The following MON2 variants were observed in gnomAD, a reference collection of about 807,000 sequenced individuals.
The protein encoded by MON2 is MON2 regulator of endosome-to-Golgi trafficking.
A neutral mutation model predicts 208.6 loss-of-function variants in MON2; 84 were observed. The observed-to-expected ratio is 0.40, with a 90% CI of 0.34 to 0.48. The LOEUF (loss-of-function observed/expected upper bound fraction) is 0.48. Among genes scored for constraint, MON2 ranks in the 20% least tolerant of loss-of-function variants. The pLI is 0.59. For missense variants in MON2, 1,611 were observed against 2,015.4 expected, an observed-to-expected ratio of 0.80 and a Z score of 3.84; for synonymous variants, 660 against 694.0, an observed-to-expected ratio of 0.95 and a Z score of 0.77.
At position 62,543,208 on chromosome 12, in the gene MON2, CTT is replaced by C; in HGVS notation, c.2466+12_2466+13del. The C allele has an allele frequency of 5.7e-6, 8 of 1,402,302 alleles. No individual in the cohort carries two copies. Among genetic ancestry groups the C allele is most frequent in the Non-Finnish European group, 7.7e-6 (8 of 1,034,300 alleles). 86.9% of individuals were successfully genotyped at this position (1,402,302 alleles called of 1,614,324 possible). On this transcript the variant is annotated intron_variant, in intron 20 of 34. Transcript: ENST00000393630. ...TGGCCATCTACTTGAGGTAAATTCT[CTT>C]TCTTAAATATATTTAATTTTTTAAT...
At chr12:62,504,056 G>T (rs1339452369) in intron 7 of MON2, among the ~76,000 whole-genome samples, 13 of 152,010 alleles carry the variant, frequency 8.6e-5, no homozygotes, top group Non-Finnish European at 1.0e-4. Flanking sequence ...CTATGAGGCA[G>T]GGATTTAGTA....
At chr12:62,538,595 C>G in intron 19 of MON2, 90 bp downstream of exon 19, 1 of 863,956 alleles carries the variant, frequency 1.2e-6, no homozygotes, top group Non-Finnish European at 1.8e-6. Flanking sequence ...ACTAGTAGAA[C>G]TAACACTCAG....
intron 9 of MON2, 36 bp downstream of exon 9, chr12:62,524,675 T>C: frequency 6.3e-7 from 1 of 1,593,170 alleles, no homozygotes; most frequent in Non-Finnish European, 8.6e-7. Context: ...AATAGATAGG[T>C]TAATGTTTAT....
At chr12:62,516,608 G>T (rs1009878441) in intron 8 of MON2, among the ~76,000 whole-genome samples, 1 of 152,172 alleles carries the variant, frequency 6.6e-6, no homozygotes, top group Admixed American at 6.5e-5. Context: ...GGAGGCTGAG[G>T]CAGGAGAATC....
At chr12:62,493,054 CACAAA>C (rs1376144257) in intron 2 of MON2, among the ~76,000 whole-genome samples, 1 of 151,964 alleles carries the variant, frequency 6.6e-6, no homozygotes, top group African/African-American at 2.4e-5. Flanking sequence ...CACACAAACA[CACAAA>C]ACAAATAATC....
intron 32 of MON2, among the ~76,000 whole-genome samples, chr12:62,581,631 TTCAA>T (rs2075009431): frequency 6.6e-6 from 1 of 151,538 alleles, no homozygotes; most frequent in African/African-American, 2.4e-5. Flanking sequence ...AGGTCAGGAG[TTCAA>T]GACCAGCCTG....
At chr12:62,539,345 G>T (rs2136246122) in intron 19 of MON2, among the ~76,000 whole-genome samples, 1 of 150,826 alleles carries the variant, frequency 6.6e-6, no homozygotes, top group Admixed American at 6.6e-5. Context: ...TCGGGTCACT[G>T]CTCTGCCTCC....
chr12:62,492,334 C>T lies in MON2; in HGVS notation c.176-1581C>T, dbSNP rs113218867. ...TTATATGTCTTTATTGCATGTCTTG[C>T]CTCAAAAAATAACTGATAGAGTTAG... On this transcript the variant is annotated intron_variant, in intron 2 of 34. Coordinates refer to ENST00000393630, the MANE Select transcript of MON2 (RefSeq NM_015026.3). Among the ~76,000 whole-genome samples the T allele has an allele frequency of 9.7e-3, 1,462 of 150,566 alleles. 22 individuals carry two copies. The highest frequency in any genetic ancestry group is 0.041 in the Middle Eastern group (12 of 290).
At chr12:62,545,315 G>A (rs879623688) in intron 21 of MON2, among the ~76,000 whole-genome samples, 9 of 150,916 alleles carry the variant, frequency 6.0e-5, no homozygotes, top group Non-Finnish European at 1.3e-4. Flanking sequence ...TTTTGCTTTG[G>A]TCTTCACATG....
intron 7 of MON2, among the ~76,000 whole-genome samples, chr12:62,504,002 G>A (rs891210151): frequency 2.8e-4 from 42 of 150,554 alleles, no homozygotes; most frequent in African/African-American, 8.8e-4. Flanking sequence ...ATTACATATT[G>A]TGTATTATTT....
intron 8 of MON2, among the ~76,000 whole-genome samples, chr12:62,516,163 C>T (rs1274705680): frequency 6.6e-6 from 1 of 152,038 alleles, no homozygotes; most frequent in African/African-American, 2.4e-5. Context: ...GTGAAATTAG[C>T]CAGGCACAGA....
intron 26 of MON2, among the ~76,000 whole-genome samples, chr12:62,563,010 G>C (rs1196461369): frequency 6.6e-6 from 1 of 152,138 alleles, no homozygotes; most frequent in African/African-American, 2.4e-5. Flanking sequence ...AAGTCCTGAA[G>C]TCAGGAAACT....
chr12:62,495,945 T>C (rs2070454489), intron 4 of MON2, among the ~76,000 whole-genome samples: 1 of 152,048 alleles, frequency 6.6e-6, no homozygotes, highest in Non-Finnish European at 1.5e-5. Context: ...TTTATTTCAC[T>C]TTTTAAAAAG....
At chr12:62,469,193 T>TGAA (rs2068666451) in intron 1 of MON2, among the ~76,000 whole-genome samples, 1 of 148,836 alleles carries the variant, frequency 6.7e-6, no homozygotes, top group Non-Finnish European at 1.5e-5. Flanking sequence ...TCTGCCCACC[T>TGAA]CTGGCTCCCA....
At chr12:62,490,940 A>G (rs2070094897) in intron 2 of MON2, among the ~76,000 whole-genome samples, 1 of 151,880 alleles carries the variant, frequency 6.6e-6, no homozygotes, top group Admixed American at 6.6e-5. Context: ...GTTGATTTTA[A>G]TATGCACAGT....
At chr12:62,581,493 C>CG (rs1402047345) in intron 32 of MON2, among the ~76,000 whole-genome samples, 1 of 152,078 alleles carries the variant, frequency 6.6e-6, no homozygotes, top group African/African-American at 2.4e-5. Flanking sequence ...GCCGAGGTGA[C>CG]GGAGTTATGA....
chr12:62,492,464 C>T (rs1440185687), intron 2 of MON2, among the ~76,000 whole-genome samples: 9 of 148,782 alleles, frequency 6.0e-5, no homozygotes, highest in Admixed American at 4.7e-4. Flanking sequence ...CTCCGCTTCC[C>T]GGGTTCACGC....
intron 1 of MON2, among the ~76,000 whole-genome samples, chr12:62,480,784 G>A (rs1257080773): frequency 6.6e-6 from 1 of 152,268 alleles, no homozygotes; most frequent in East Asian, 1.9e-4. Flanking sequence ...TAGAAAGTCT[G>A]GATAAATTAC....
At chr12:62,546,702 C>G (rs1275967214) in intron 21 of MON2, among the ~76,000 whole-genome samples, 195 bp from the exon 22 acceptor site, 2 of 152,094 alleles carry the variant, frequency 1.3e-5, no homozygotes, top group Non-Finnish European at 2.9e-5. Context: ...TGCAGTGAGT[C>G]AAGATTGTGC....
Sources: gnomAD v4.1 joint callset for allele counts (sites outside exome capture counted in the v4.1 genomes callset) on GRCh38, gnomAD v4.1.1 for gene constraint, MANE v1.5 for transcripts, NCBI Gene and HGNC (gene_info 2026-07-23, HGNC 2026-07-21) for gene names.